Variants in AXDND1 observed in about 807,000 individuals in gnomAD.
AXDND1 encodes axonemal dynein light chain domain-containing protein 1.
Under a neutral mutation model 137.5 loss-of-function variants are expected in AXDND1, and 110 were observed. The observed-to-expected ratio is 0.80, with a 90% CI of 0.69 to 0.94. AXDND1 has a LOEUF of 0.94. Ranked by LOEUF, AXDND1 falls within the 40% of genes least tolerant of loss-of-function variation. AXDND1 has a pLI of 0.00. For missense variants in AXDND1, 1,191 were observed against 1,169.8 expected, an observed-to-expected ratio of 1.02 and a Z score of -0.26; for synonymous variants, 414 against 399.7, an observed-to-expected ratio of 1.04 and a Z score of -0.43.
At chr1:179,443,332 A>G (rs1437947921) in intron 15 of AXDND1, among the ~76,000 whole-genome samples, 5 of 152,236 alleles carry the variant, frequency 3.3e-5, no homozygotes, top group African/African-American at 1.2e-4. Flanking sequence ...TGCCTATCCT[A>G]TATCTGGCTT....
intron 25 of AXDND1, among the ~76,000 whole-genome samples, chr1:179,535,823 A>G (rs1671499069): frequency 6.6e-6 from 1 of 152,202 alleles, no homozygotes; most frequent in Non-Finnish European, 1.5e-5. Context: ...TGGTTGAACT[A>G]ATTTACACTC....
At chr1:179,493,180 A>G (rs1051550110) in intron 20 of AXDND1, among the ~76,000 whole-genome samples, 1 of 145,560 alleles carries the variant, frequency 6.9e-6, no homozygotes, top group African/African-American at 2.5e-5. Flanking sequence ...TTCCAGCCTC[A>G]TCTTGTCACC....
chr1:179,458,964 ATTATAG>A (rs1661818551), intron 16 of AXDND1, among the ~76,000 whole-genome samples: 3 of 152,158 alleles, frequency 2.0e-5, no homozygotes. Flanking sequence ...TTGTGCTGAT[ATTATAG>A]TTATATACTT....
chr1:179,476,630 C>T (rs1393805733), intron 17 of AXDND1, among the ~76,000 whole-genome samples: 2 of 151,854 alleles, frequency 1.3e-5, no homozygotes, highest in Non-Finnish European at 2.9e-5. Context: ...ATATAGGATT[C>T]TTGGTTGACA....
intron 9 of AXDND1, among the ~76,000 whole-genome samples, chr1:179,392,469 A>AT (rs1650354256): frequency 6.6e-6 from 1 of 152,052 alleles, no homozygotes; most frequent in Non-Finnish European, 1.5e-5. Flanking sequence ...ATAATGACTT[A>AT]TTTTCCTGTG....
In AXDND1 at chr1:179,394,466, T is replaced by C. The variant is rs1650705941; in HGVS notation, c.1004+423T>C. Reference sequence around the variant, plus strand: ...TTAGACAGGCGTGGTGGCACATGCCTATAATCCCAACTACTGGGGAGGTTG... The same window carrying C: ...TTAGACAGGCGTGGTGGCACATGCCCATAATCCCAACTACTGGGGAGGTTG... On this transcript the variant is annotated intron_variant, in intron 10 of 25. Coordinates refer to ENST00000367618, the MANE Select transcript of AXDND1 (RefSeq NM_144696.6). Among the ~76,000 whole-genome samples, 3 of 152,098 alleles carry C rather than the reference T, an allele frequency of 2.0e-5. No individual in the cohort carries two copies. The South Asian group carries it at 6.2e-4, about 32-fold the overall frequency.
chr1:179,534,752 C>G lies in AXDND1; in HGVS notation c.2821C>G (p.Gln941Glu), dbSNP rs1336163437. The change falls in exon 25 of 26, where the codon CAG (glutamine) becomes GAG (glutamate). Residue 941 changes from glutamine (Q) to glutamate (E), a missense_variant. Physicochemically the swap from Gln to Glu is conservative, Grantham distance 29 (BLOSUM62 2). Coordinates refer to ENST00000367618, the MANE Select transcript of AXDND1 (RefSeq NM_144696.6). ...CAGGGAGGTTGAAAATAGAGCCAGA[C>G]AGGCAGAGGAGAAGTTTGAAGATGC... ...KLLEVENRARQAEEKFEDAYE... is the reference protein window; with the variant it reads ...KLLEVENRAREAEEKFEDAYE... 2.5e-6 allele frequency: 4 copies of G among 1,586,768 alleles called. No homozygotes were observed. The Admixed American group carries it at 7.8e-5, about 31-fold the overall frequency.
Position 179,432,259 on chromosome 1 carries a change from C to A in AXDND1, c.1488-8C>A, listed in dbSNP as rs778230789. ...AGATGTTTCTCTTTTTTTTTTTCTT[C>A]TTTTCAGTGAAAAAGACATTTTATC... On this transcript the variant is annotated splice_region_variant and splice_polypyrimidine_tract_variant and intron_variant, in intron 14 of 25. Coordinates refer to ENST00000367618, the MANE Select transcript of AXDND1 (RefSeq NM_144696.6). The A allele has an allele frequency of 6.7e-7, 1 of 1,486,510 alleles. No homozygotes were observed. 92.1% of individuals were successfully genotyped at this position (1,486,510 alleles called of 1,614,324 possible). A position where few individuals can be genotyped will look rare whatever the true frequency, so the allele number is the denominator to read the frequency against.
At chr1:179,477,776 C>G (rs1246505380) in intron 17 of AXDND1, among the ~76,000 whole-genome samples, 1 of 152,164 alleles carries the variant, frequency 6.6e-6, no homozygotes, top group African/African-American at 2.4e-5. Flanking sequence ...AGCATTAACT[C>G]AAAAGTCCAC....
intron 16 of AXDND1, chr1:179,454,078 A>C (rs920631030): frequency 6.6e-6 from 1 of 152,282 alleles, no homozygotes; most frequent in South Asian, 2.1e-4. Context: ...TTGGGAAGGC[A>C]TGGTTGGTTT....
At position 179,496,112 on chromosome 1, in the gene AXDND1, A is replaced by G. The variant is rs1048528360; in HGVS notation, c.2388+3161A>G. On this transcript the variant is annotated intron_variant, in intron 20 of 25. Coordinates refer to ENST00000367618, the MANE Select transcript of AXDND1 (RefSeq NM_144696.6). ...GTCCCTCTTATATGTTGCAAATTCA[A>G]TTGATTGATTGTTTAGAATTTTTGC... Among the ~76,000 whole-genome samples the G allele has an allele frequency of 3.3e-5, 5 of 151,934 alleles. No individual in the cohort carries two copies. The East Asian group carries it at 5.8e-4, about 18-fold the overall frequency.
chr1:179,484,676 A>G (rs989116847), intron 18 of AXDND1, among the ~76,000 whole-genome samples: 4 of 152,244 alleles, frequency 2.6e-5, no homozygotes, highest in Admixed American at 2.6e-4. Flanking sequence ...GCACTCACCC[A>G]TGACCACCCC....
At chr1:179,449,266 C>G (rs1660184492) in intron 16 of AXDND1, 1 of 337,162 alleles carries the variant, frequency 3.0e-6, no homozygotes, top group Non-Finnish European at 5.9e-6. Context: ...GTCCTAGCAC[C>G]ATTTATTGAA....
intron 16 of AXDND1, chr1:179,452,723 A>G (rs868866378): frequency 1.5e-5 from 2 of 129,872 alleles, no homozygotes; most frequent in Non-Finnish European, 3.4e-5. Context: ...AAAAAAAAAG[A>G]AAAGAAAATC....
Position 179,432,294 on chromosome 1 carries a change from G to A in AXDND1, c.1515G>A (p.Lys505=). The change falls in exon 15 of 26, where the codon AAG becomes AAA. Residue 505 remains lysine (K), a synonymous_variant. Coordinates refer to ENST00000367618, the MANE Select transcript of AXDND1 (RefSeq NM_144696.6). ...AAAAAGACATTTTATCCCCTAATAAGGGAAATATATTTAATTCAGTTCTTT... is the reference window on the plus strand; with the variant it reads ...AAAAAGACATTTTATCCCCTAATAAAGGAAATATATTTAATTCAGTTCTTT... The part of the protein sequence containing the change: ...FNEKDILSPN[K]GNIFNSVLLD... The A allele has an allele frequency of 6.4e-7, 1 of 1,567,788 alleles. No homozygotes were observed. Among genetic ancestry groups the A allele is most frequent in the Non-Finnish European group, 8.7e-7 (1 of 1,154,382 alleles).
intron 9 of AXDND1, among the ~76,000 whole-genome samples, chr1:179,388,805 A>G (rs1649633616): frequency 6.8e-6 from 1 of 147,408 alleles, no homozygotes; most frequent in Non-Finnish European, 1.5e-5. Flanking sequence ...CATATTGGCC[A>G]GGCTAGTCTT....
chr1:179,449,279 T>C (rs973359507), intron 16 of AXDND1: 5 of 328,376 alleles, frequency 1.5e-5, no homozygotes, highest in African/African-American at 1.1e-4. Context: ...TTATTGAAAA[T>C]AACATTCTTC....
chr1:179,429,644 T>C (rs759143609), intron 13 of AXDND1, 25 bp downstream of exon 13: 9 of 1,438,850 alleles, frequency 6.3e-6, no homozygotes. Flanking sequence ...TCTTCAGTTA[T>C]GGGAAAAAAA....
chr1:179,480,056 GTCT>G (rs1378099056), intron 17 of AXDND1, among the ~76,000 whole-genome samples: 3 of 152,104 alleles, frequency 2.0e-5, no homozygotes, highest in African/African-American at 7.2e-5. Flanking sequence ...ACATTTTCCT[GTCT>G]TCTTCTGAGC....
Sources: gnomAD v4.1 joint callset for allele counts (sites outside exome capture counted in the v4.1 genomes callset) on GRCh38, gnomAD v4.1.1 for gene constraint, MANE v1.5 for transcripts, NCBI Gene and HGNC (gene_info 2026-07-23, HGNC 2026-07-21) for gene names.